Variants in EIF2B3 observed in about 807,000 individuals in gnomAD.
EIF2B3 encodes translation initiation factor eIF2B subunit gamma.
In EIF2B3, 20 loss-of-function variants were observed where a neutral mutation model predicts 54.1. The ratio of observed to expected loss-of-function variants is 0.37; its 90% confidence interval spans 0.26 to 0.54. EIF2B3 has a LOEUF of 0.54. EIF2B3 is among the 20% of genes least tolerant of loss of function. EIF2B3 has a pLI of 0.86. For missense variants in EIF2B3, 448 were observed against 547.8 expected (o/e 0.82, Z 1.82); for synonymous variants, 153 against 188.1 (o/e 0.81, Z 1.52).
intron 8 of EIF2B3, among the ~76,000 whole-genome samples, chr1:44,875,994 C>T (rs952656534): frequency 2.2e-4 from 34 of 152,216 alleles, no homozygotes; most frequent in Admixed American, 5.2e-4. Context: ...CTGTGTTGGC[C>T]GGGCTGGTCT....
chr1:44,870,656 G>GTTT (rs112585793), intron 10 of EIF2B3, among the ~76,000 whole-genome samples: 1 of 143,450 alleles, frequency 7.0e-6, no homozygotes, highest in Non-Finnish European at 1.5e-5. Context: ...CAGTTCTCAG[G>GTTT]TTTTTTTTTT....
At position 44,926,622 on chromosome 1, in the gene EIF2B3, G is replaced by A. The variant is rs1643854291; in HGVS notation, c.566+6C>T. 1 of 1,609,650 alleles carries A rather than the reference G, an allele frequency of 6.2e-7. No individual in the cohort carries two copies. The highest frequency in any genetic ancestry group is 8.5e-7 in the Non-Finnish European group (1 of 1,176,260). ...AATTGCCAGAAGAAAAAACCCTAGG[G>A]CTTACTTCTGTAGGATGGATCCCTT... On this transcript the variant is annotated splice_donor_region_variant and intron_variant, in intron 5 of 11. Transcript: ENST00000360403.
chr1:44,929,629 C>T (rs951836996), intron 4 of EIF2B3, among the ~76,000 whole-genome samples: 1 of 152,178 alleles, frequency 6.6e-6, no homozygotes, highest in African/African-American at 2.4e-5. Context: ...GAGAATGTAA[C>T]AAAGTCTGTA....
chr1:44,871,873 TC>T (rs1177342662), intron 10 of EIF2B3, among the ~76,000 whole-genome samples: 1 of 133,042 alleles, frequency 7.5e-6, no homozygotes, highest in Non-Finnish European at 1.6e-5. Context: ...TACTTCACAA[TC>T]TTTTTTTTTT....
At chr1:44,942,410 T>C (rs1422775864) in intron 3 of EIF2B3, among the ~76,000 whole-genome samples, 1 of 20,340 alleles carries the variant, frequency 4.9e-5, no homozygotes, top group African/African-American at 2.3e-4. Flanking sequence ...TATATATATA[T>C]ATATATATTT....
chr1:44,978,557 A>T, intron 2 of EIF2B3, 97 bp from the exon 3 acceptor site: 1 of 1,187,836 alleles, frequency 8.4e-7, no homozygotes, highest in Non-Finnish European at 1.2e-6. Context: ...TTCTAGGTGT[A>T]ATAACAACTG....
chr1:44,917,535 G>T (rs189936350), intron 5 of EIF2B3, among the ~76,000 whole-genome samples: 172 of 149,464 alleles, frequency 1.2e-3, no homozygotes, highest in African/African-American at 3.8e-3. Context: ...GATTTTACTT[G>T]ATTCAGAAAT....
intron 10 of EIF2B3, 39 bp downstream of exon 10, chr1:44,874,639 C>T (rs1357539575): frequency 6.2e-7 from 1 of 1,602,378 alleles, no homozygotes; most frequent in Admixed American, 1.7e-5. Context: ...GGCATTTTTC[C>T]ATTATCTTTG....
chr1:44,962,488 G>C (rs1381755575), intron 3 of EIF2B3, among the ~76,000 whole-genome samples: 1 of 152,122 alleles, frequency 6.6e-6, no homozygotes, highest in Non-Finnish European at 1.5e-5. Context: ...TCACAGCACT[G>C]TTGCCTAAAA....
intron 6 of EIF2B3, among the ~76,000 whole-genome samples, chr1:44,885,535 C>A (rs1655547107): frequency 6.6e-6 from 1 of 152,090 alleles, no homozygotes. Flanking sequence ...TATAATTTCA[C>A]CCTGTAATTC....
chr1:44,895,596 C>T (rs1655944168), intron 6 of EIF2B3, among the ~76,000 whole-genome samples: 1 of 151,460 alleles, frequency 6.6e-6, no homozygotes, highest in Admixed American at 6.6e-5. Flanking sequence ...TGGAAGCGTC[C>T]TTATATTTTA....
chr1:44,985,446 T>A (rs1405636991), intron 1 of EIF2B3, among the ~76,000 whole-genome samples: 1 of 152,222 alleles, frequency 6.6e-6, no homozygotes, highest in Non-Finnish European at 1.5e-5. Context: ...TCTACTTAAG[T>A]GTAACATTAA....
chr1:44,961,799 T>C lies in EIF2B3; in HGVS notation c.294+16516A>G, dbSNP rs528691594. On this transcript the variant is annotated intron_variant, in intron 3 of 11. Transcript: ENST00000360403. ...GGGACTCATAACTTCCAAGGTCACATAGCTAGTGAATGACAGAACAAGAAT... is the reference window on the plus strand; with the variant it reads ...GGGACTCATAACTTCCAAGGTCACACAGCTAGTGAATGACAGAACAAGAAT... Among the ~76,000 whole-genome samples, 9 of 152,322 alleles carry C rather than the reference T, an allele frequency of 5.9e-5. No homozygotes were observed. In the East Asian group the frequency reaches 1.7e-3, roughly 29 times the overall value.
At chr1:44,969,357 T>G (rs1247485321) in intron 3 of EIF2B3, among the ~76,000 whole-genome samples, 2 of 152,226 alleles carry the variant, frequency 1.3e-5, no homozygotes, top group Non-Finnish European at 2.9e-5. Context: ...TTAAAAGACA[T>G]TTCAACCAAT....
intron 5 of EIF2B3, among the ~76,000 whole-genome samples, chr1:44,918,194 C>T (rs1011793809): frequency 2.0e-5 from 3 of 151,352 alleles, no homozygotes; most frequent in Non-Finnish European, 4.4e-5. Flanking sequence ...AGCGATTCTC[C>T]TGCCTCAGCC....
chr1:44,961,498 C>G (rs771950067), intron 3 of EIF2B3, among the ~76,000 whole-genome samples: 5 of 151,736 alleles, frequency 3.3e-5, no homozygotes, highest in Non-Finnish European at 4.4e-5. Flanking sequence ...GGTAACATAG[C>G]AAGACCTCAT....
chr1:44,899,151 A>T (rs1411974874), intron 5 of EIF2B3, among the ~76,000 whole-genome samples: 1 of 152,236 alleles, frequency 6.6e-6, no homozygotes, highest in Non-Finnish European at 1.5e-5. Context: ...ACAAAATGAA[A>T]CAAAACAAAC....
intron 1 of EIF2B3, 113 bp from the exon 2 acceptor site, chr1:44,981,290 C>G: frequency 9.2e-7 from 1 of 1,088,558 alleles, no homozygotes; most frequent in Non-Finnish European, 1.4e-6. Flanking sequence ...ATGTCAAATG[C>G]ATAATTCCTA....
chr1:44,969,874 A>C (rs1644383177), intron 3 of EIF2B3: 1 of 152,234 alleles, frequency 6.6e-6, no homozygotes, highest in Non-Finnish European at 1.5e-5. Flanking sequence ...CATAGATAAG[A>C]ATGAATGATT....
Sources: allele counts gnomAD v4.1 joint callset (sites outside exome capture counted in the v4.1 genomes callset), GRCh38; gene constraint gnomAD v4.1.1; transcripts MANE v1.5; gene names NCBI Gene and HGNC (gene_info 2026-07-23, HGNC 2026-07-21).